Variants in SIPA1L3 observed in about 807,000 individuals in gnomAD.
SIPA1L3 encodes the protein signal-induced proliferation-associated 1-like protein 3.
SIPA1L3 carries 59 observed loss-of-function variants against 150.1 expected under a neutral mutation model. The ratio of observed to expected loss-of-function variants is 0.39; its 90% CI spans 0.32 to 0.49. SIPA1L3 has a LOEUF of 0.49. SIPA1L3 is among the 20% of genes least tolerant of loss of function. SIPA1L3 has a pLI of 0.86. For missense variants in SIPA1L3, 2,211 were observed against 2,489.5 expected (o/e 0.89, Z 2.38); for synonymous variants, 1,070 against 1,077.6 (o/e 0.99, Z 0.14).
intron 4 of SIPA1L3, among the ~76,000 whole-genome samples, chr19:38,092,339 C>T (rs1970278131): frequency 6.6e-6 from 1 of 151,532 alleles, no homozygotes; most frequent in Non-Finnish European, 1.5e-5. Context: ...GCACGTTGTG[C>T]ACATGTACCC....
chr19:38,062,238 C>T (rs996714423), intron 2 of SIPA1L3, among the ~76,000 whole-genome samples: 5 of 152,096 alleles, frequency 3.3e-5, no homozygotes, highest in African/African-American at 1.2e-4. Flanking sequence ...CTTAAGTCAC[C>T]CAGGAGTGGA....
rs142696723 is a variant in SIPA1L3 at position 38,176,994 on chromosome 19, A to C, written c.4209-5525A>C. The stretch of plus-strand genomic sequence containing the variant: ...CTCAAAAAAACAAACAAACAACAAA[A>C]AAACAAACAAACAAACAAAAAACAT... On this transcript the variant is annotated intron_variant, in intron 15 of 21. Coordinates refer to ENST00000222345, the MANE Select transcript of SIPA1L3 (RefSeq NM_015073.3). 2.7e-3 allele frequency among the ~76,000 whole-genome samples: 405 copies of C among 151,786 alleles called. 4 individuals carry two copies. Among genetic ancestry groups the C allele is most frequent in the African/African-American group, 9.1e-3 (377 of 41,416 alleles).
chr19:38,100,986 C>T, intron 5 of SIPA1L3, 66 bp from the exon 6 acceptor site: 1 of 1,484,626 alleles, frequency 6.7e-7, no homozygotes, highest in Non-Finnish European at 8.9e-7. Flanking sequence ...CAGACATACC[C>T]CTTGCTCCCT....
chr19:37,985,962 C>T (rs79661772), intron 1 of SIPA1L3, among the ~76,000 whole-genome samples: 3,536 of 152,352 alleles, frequency 0.023, 133 homozygotes, highest in African/African-American at 0.078. Flanking sequence ...CGCCGTCATG[C>T]GAGCAAAGCG....
At chr19:37,975,253 T>C (rs1160750428) in intron 1 of SIPA1L3, among the ~76,000 whole-genome samples, 2 of 152,118 alleles carry the variant, frequency 1.3e-5, no homozygotes, top group Non-Finnish European at 2.9e-5. Context: ...AGCATATTAA[T>C]GTGCGGAACC....
chr19:38,197,500 C>G, intron 18 of SIPA1L3, among the ~76,000 whole-genome samples: 1 of 152,180 alleles, frequency 6.6e-6, no homozygotes. Flanking sequence ...AACCCCACCC[C>G]GTGTAAACAC....
chr19:37,973,369 T>A (rs1599856124), intron 1 of SIPA1L3, among the ~76,000 whole-genome samples: 1 of 151,574 alleles, frequency 6.6e-6, no homozygotes, highest in Non-Finnish European at 1.5e-5. Flanking sequence ...CCCAAGTAGC[T>A]TGGGTTACAG....
chr19:38,112,686 C>G (rs767084527), intron 8 of SIPA1L3, among the ~76,000 whole-genome samples: 14 of 152,206 alleles, frequency 9.2e-5, no homozygotes, highest in Non-Finnish European at 1.9e-4. Context: ...GGCTCTCCCT[C>G]TTTCCTTCAT....
At chr19:37,976,489 C>T (rs1299307286) in intron 1 of SIPA1L3, among the ~76,000 whole-genome samples, 2 of 152,130 alleles carry the variant, frequency 1.3e-5, no homozygotes, top group Non-Finnish European at 2.9e-5. Context: ...GGGTTGCAAG[C>T]AACAGAAATC....
intron 6 of SIPA1L3, among the ~76,000 whole-genome samples, chr19:38,104,233 C>T (rs1968934637): frequency 1.3e-5 from 2 of 152,242 alleles, no homozygotes; most frequent in Non-Finnish European, 2.9e-5. Flanking sequence ...GGGCCATCAT[C>T]ACCTTCCCCT....
At chr19:37,979,262 G>A (rs1008745371) in intron 1 of SIPA1L3, among the ~76,000 whole-genome samples, 1 of 151,252 alleles carries the variant, frequency 6.6e-6, no homozygotes, top group South Asian at 2.1e-4. Flanking sequence ...ATGAAATTTA[G>A]GTTTCGCCAG....
intron 15 of SIPA1L3, among the ~76,000 whole-genome samples, chr19:38,177,002 C>T (rs948830362): frequency 6.6e-6 from 1 of 151,696 alleles, no homozygotes; most frequent in African/African-American, 2.4e-5. Context: ...AAAAAACAAA[C>T]AAACAAACAA....
At chr19:38,139,887 G>A (rs934629032) in intron 10 of SIPA1L3, among the ~76,000 whole-genome samples, 1 of 152,150 alleles carries the variant, frequency 6.6e-6, no homozygotes, top group African/African-American at 2.4e-5. Flanking sequence ...TACAGCAGAA[G>A]AGAAGAAGAG....
Position 38,105,696 on chromosome 19 carries a change from GCATCTTTCACTCAA to G in SIPA1L3, c.2030-837_2030-824del, listed in dbSNP as rs1258439789. Among the ~76,000 whole-genome samples the G allele has an allele frequency of 9.2e-5, 14 of 152,300 alleles. 1 individual carries two copies. The highest frequency in any genetic ancestry group is 3.4e-4 in the African/African-American group (14 of 41,570). The stretch of plus-strand genomic sequence containing the variant: ...ACACTGTGTGTGCTGCTTTGTGTCA[GCATCTTTCACTCAA>G]CATTTAGAGGATTTCCCCATGCTGC... On this transcript the variant is annotated intron_variant, in intron 6 of 21. Coordinates refer to ENST00000222345, the MANE Select transcript of SIPA1L3 (RefSeq NM_015073.3).
intron 15 of SIPA1L3, among the ~76,000 whole-genome samples, chr19:38,169,713 C>G (rs1005425498): frequency 1.3e-5 from 2 of 152,240 alleles, no homozygotes; most frequent in Non-Finnish European, 2.9e-5. Context: ...CCCCCTGGTC[C>G]AAGACCTGTT....
intron 1 of SIPA1L3, among the ~76,000 whole-genome samples, chr19:38,008,471 C>T (rs1968016337): frequency 6.6e-6 from 1 of 151,764 alleles, no homozygotes. Flanking sequence ...TCAGGTGATC[C>T]ACCCACCTCA....
At chr19:38,117,140 A>C (rs1293394859) in intron 8 of SIPA1L3, among the ~76,000 whole-genome samples, 1 of 152,116 alleles carries the variant, frequency 6.6e-6, no homozygotes, top group Non-Finnish European at 1.5e-5. Flanking sequence ...TGCACCTTGC[A>C]CTTCTCCTCC....
At chr19:38,185,367 C>T (rs1043234251) in intron 16 of SIPA1L3, 1 of 152,154 alleles carries the variant, frequency 6.6e-6, no homozygotes, top group Non-Finnish European at 1.5e-5. Context: ...TCAGTGTGGC[C>T]CAAGTTGGGC....
intron 1 of SIPA1L3, among the ~76,000 whole-genome samples, chr19:38,027,372 C>T (rs773250176): frequency 3.3e-5 from 5 of 152,098 alleles, no homozygotes; most frequent in Non-Finnish European, 5.9e-5. Context: ...AGGTTAAGAA[C>T]CCCCTTGGGC....
Sources: gnomAD v4.1 joint callset for allele counts (sites outside exome capture counted in the v4.1 genomes callset) on GRCh38, gnomAD v4.1.1 for gene constraint, MANE v1.5 for transcripts, NCBI Gene and HGNC (gene_info 2026-07-23, HGNC 2026-07-21) for gene names.